Variants in CTNND2 observed in about 807,000 individuals in gnomAD.
CTNND2 encodes the protein catenin delta 2.
Under a neutral mutation model 144.4 loss-of-function variants are expected in CTNND2, and 22 were observed. That is an observed-to-expected ratio of 0.15 (90% CI 0.11 to 0.22). The LOEUF (loss-of-function observed/expected upper bound fraction) is 0.22. Ranked by LOEUF, CTNND2 falls within the 10% of genes least tolerant of loss-of-function variation. The pLI is 1.00. For synonymous variants in CTNND2, 751 were observed against 695.6 expected, an observed-to-expected ratio of 1.08 and a Z score of -1.25; for missense variants, 1,353 against 1,618.8, an observed-to-expected ratio of 0.84 and a Z score of 2.82.
intron 1 of CTNND2, among the ~76,000 whole-genome samples, chr5:11,827,254 G>A (rs1010107399): frequency 5.3e-5 from 8 of 152,122 alleles, no homozygotes; most frequent in Admixed American, 3.9e-4. Flanking sequence ...AAGTCAAAGC[G>A]AGATTATAAA....
chr5:11,393,437 T>G (rs1390249513), intron 6 of CTNND2, among the ~76,000 whole-genome samples: 5 of 152,246 alleles, frequency 3.3e-5, no homozygotes, highest in African/African-American at 1.2e-4. Context: ...ATAGTTTTTT[T>G]GTTTGAGGGA....
chr5:11,473,782 G>C (rs1767461850), intron 3 of CTNND2, among the ~76,000 whole-genome samples: 1 of 152,256 alleles, frequency 6.6e-6, no homozygotes, highest in African/African-American at 2.4e-5. Context: ...TACTAGGATA[G>C]AATCTGAGAC....
intron 3 of CTNND2, among the ~76,000 whole-genome samples, chr5:11,496,030 A>G (rs1348245971): frequency 6.6e-6 from 1 of 152,110 alleles, no homozygotes; most frequent in African/African-American, 2.4e-5. Flanking sequence ...GGTCTTTTCC[A>G]TATTTTCTCA....
chr5:11,031,122 C>T (rs1743428485), intron 16 of CTNND2, among the ~76,000 whole-genome samples: 1 of 152,056 alleles, frequency 6.6e-6, no homozygotes. Flanking sequence ...AAAAGAAAAA[C>T]ATAAAGTGGA....
At chr5:11,689,381 C>T (rs888334740) in intron 2 of CTNND2, among the ~76,000 whole-genome samples, 1 of 152,138 alleles carries the variant, frequency 6.6e-6, no homozygotes, top group African/African-American at 2.4e-5. Context: ...CTCTTCTCTC[C>T]ACATACATTT....
chr5:11,502,807 A>C (rs1770669452), intron 3 of CTNND2, among the ~76,000 whole-genome samples: 1 of 152,196 alleles, frequency 6.6e-6, no homozygotes, highest in Admixed American at 6.5e-5. Flanking sequence ...GTCAACACCA[A>C]AAGAATTTAT....
chr5:11,370,423 A>T (rs1757364926), intron 7 of CTNND2, among the ~76,000 whole-genome samples: 1 of 152,168 alleles, frequency 6.6e-6, no homozygotes, highest in Admixed American at 6.5e-5. Context: ...AATAAAGGAG[A>T]AAAAGAGGAG....
intron 9 of CTNND2, among the ~76,000 whole-genome samples, chr5:11,270,466 T>G (rs1745881771): frequency 7.8e-6 from 1 of 128,386 alleles, no homozygotes; most frequent in African/African-American, 2.8e-5. Flanking sequence ...AGGAAAACAA[T>G]GTGGTAAAAA....
At chr5:11,056,500 A>T (rs184807450) in intron 16 of CTNND2, among the ~76,000 whole-genome samples, 23 of 152,344 alleles carry the variant, frequency 1.5e-4, no homozygotes, top group Non-Finnish European at 2.5e-4. Context: ...TATAATTTCT[A>T]GAAACAGGGG....
chr5:10,982,060 C>T (rs917244002), intron 20 of CTNND2, among the ~76,000 whole-genome samples: 3 of 152,108 alleles, frequency 2.0e-5, no homozygotes, highest in African/African-American at 7.2e-5. Flanking sequence ...GCATGTCAGC[C>T]GCTTGCAATA....
chr5:11,522,027 G>A (rs1371747017), intron 3 of CTNND2, among the ~76,000 whole-genome samples: 2 of 152,168 alleles, frequency 1.3e-5, no homozygotes, highest in Non-Finnish European at 2.9e-5. Context: ...GCATAGTGAA[G>A]GGAGAGATCT....
rs1763927946 is a variant in CTNND2 at position 11,438,058 on chromosome 5, A to T, written c.288-25989T>A. Among the ~76,000 whole-genome samples the T allele has an allele frequency of 3.3e-5, 5 of 152,310 alleles. No individual in the cohort carries two copies. The South Asian group carries it at 1.0e-3, about 32-fold the overall frequency. ...GAACCTGATGATCTAACCTAAACTG[A>T]TGCTGATGAGAGTCTTCGTTGGGAA... On this transcript the variant is annotated intron_variant, in intron 3 of 21. Coordinates refer to ENST00000304623, the MANE Select transcript of CTNND2 (RefSeq NM_001332.4).
intron 16 of CTNND2, among the ~76,000 whole-genome samples, chr5:11,055,550 T>C (rs1178343602): frequency 6.6e-6 from 1 of 152,258 alleles, no homozygotes; most frequent in Non-Finnish European, 1.5e-5. Context: ...CATTACTGAG[T>C]ACTTCCACAC....
chr5:11,754,012 C>A (rs528995460), intron 1 of CTNND2, among the ~76,000 whole-genome samples: 1 of 151,126 alleles, frequency 6.6e-6, no homozygotes, highest in East Asian at 1.9e-4. Context: ...TCTTGGGGGT[C>A]AGTGGTAATG....
intron 1 of CTNND2, among the ~76,000 whole-genome samples, chr5:11,765,353 G>T (rs1201014633): frequency 6.6e-6 from 1 of 152,186 alleles, no homozygotes; most frequent in African/African-American, 2.4e-5. Context: ...CCACTGGGAG[G>T]TGTGACCTGG....
chr5:11,663,139 G>T (rs181113673), intron 2 of CTNND2, among the ~76,000 whole-genome samples: 31 of 152,318 alleles, frequency 2.0e-4, no homozygotes, highest in African/African-American at 7.5e-4. Flanking sequence ...CAAAGTCACT[G>T]CAGATGGCCT....
chr5:10,975,409 T>G (rs1410508189), intron 21 of CTNND2, among the ~76,000 whole-genome samples: 2 of 152,250 alleles, frequency 1.3e-5, no homozygotes, highest in African/African-American at 4.8e-5. Flanking sequence ...TGTGTCTGTC[T>G]ACATCAATAT....
At chr5:11,271,768 C>G (rs571909608) in intron 9 of CTNND2, among the ~76,000 whole-genome samples, 130 of 152,180 alleles carry the variant, frequency 8.5e-4, no homozygotes, top group African/African-American at 3.1e-3. Context: ...CAAGGACTGG[C>G]TGAATGAGAA....
At chr5:11,121,087 A>C (rs1337315637) in intron 12 of CTNND2, among the ~76,000 whole-genome samples, 1 of 152,208 alleles carries the variant, frequency 6.6e-6, no homozygotes, top group Non-Finnish European at 1.5e-5. Context: ...TCAGCTTATG[A>C]TTGAAATAGC....
Sources: gnomAD v4.1 joint callset for allele counts (sites outside exome capture counted in the v4.1 genomes callset) on GRCh38, gnomAD v4.1.1 for gene constraint, MANE v1.5 for transcripts, NCBI Gene and HGNC (gene_info 2026-07-23, HGNC 2026-07-21) for gene names.